The following EPC1 variants were observed in gnomAD, a reference collection of about 807,000 sequenced individuals.
EPC1 encodes the protein enhancer of polycomb homolog 1.
A neutral mutation model predicts 98.4 loss-of-function variants in EPC1; 12 were observed. The ratio of observed to expected loss-of-function variants is 0.12; its 90% CI spans 0.08 to 0.20. EPC1 has a LOEUF of 0.20. Among genes scored for constraint, EPC1 ranks in the 10% least tolerant of loss-of-function variants. The probability of loss-of-function intolerance (pLI) is 1.00; values close to 1 mark genes in which losing one functional copy is unlikely to be tolerated. For synonymous variants in EPC1, 357 were observed against 363.9 expected (o/e 0.98, Z 0.21); for missense variants, 729 against 990.5 (o/e 0.74, Z 3.54).
intron 1 of EPC1, among the ~76,000 whole-genome samples, chr10:32,323,269 T>A (rs1214663506): frequency 6.6e-6 from 1 of 152,196 alleles, no homozygotes; most frequent in African/African-American, 2.4e-5. Context: ...CCCCCCAGTG[T>A]AATTTCTGAT....
upstream of EPC1, among the ~76,000 whole-genome samples, chr10:32,350,624 G>T (rs1839084868): frequency 6.6e-6 from 1 of 152,224 alleles, no homozygotes; most frequent in African/African-American, 2.4e-5. Flanking sequence ...GATAAAACTG[G>T]TAAGAACTTG....
At chr10:32,276,865 G>GA (rs1322062476) in intron 10 of EPC1, among the ~76,000 whole-genome samples, 1 of 152,174 alleles carries the variant, frequency 6.6e-6, no homozygotes, top group Non-Finnish European at 1.5e-5. Flanking sequence ...TATGGTATGA[G>GA]AATCAAGTTT....
At chr10:32,337,961 T>C (rs1276405184) in intron 1 of EPC1, among the ~76,000 whole-genome samples, 1 of 152,170 alleles carries the variant, frequency 6.6e-6, no homozygotes, top group Admixed American at 6.5e-5. Context: ...ATGAAGAAAA[T>C]CTTTTCAGTA....
intron 1 of EPC1, among the ~76,000 whole-genome samples, chr10:32,361,366 C>A (rs891733148): frequency 6.6e-6 from 1 of 152,094 alleles, no homozygotes; most frequent in African/African-American, 2.4e-5. Flanking sequence ...CAGTGGGAGA[C>A]CAGAATATGC....
upstream of EPC1, among the ~76,000 whole-genome samples, chr10:32,350,510 A>C (rs138932982): frequency 4.0e-3 from 607 of 152,340 alleles, 4 homozygotes; most frequent in Non-Finnish European, 6.9e-3. Context: ...ACGCAACTGT[A>C]TGAACAAAAG....
intron 1 of EPC1, chr10:32,345,413 A>G (rs572345455): frequency 2.0e-6 from 2 of 985,390 alleles, no homozygotes; most frequent in East Asian, 2.3e-4. Flanking sequence ...ACAACATTAC[A>G]GAGCATAATT....
At chr10:32,358,776 G>A (rs1036488174) in intron 1 of EPC1, among the ~76,000 whole-genome samples, 1 of 152,090 alleles carries the variant, frequency 6.6e-6, no homozygotes, top group Non-Finnish European at 1.5e-5. Context: ...TTCATCATCT[G>A]TCTGAGTAGA....
Position 32,346,933 on chromosome 10 carries a change from C to A in EPC1, c.-18G>T, listed in dbSNP as rs775550844. The A allele has an allele frequency of 1.2e-6, 2 of 1,611,448 alleles. No homozygotes were observed. Among genetic ancestry groups the A allele is most frequent in the African/African-American group, 2.7e-5 (2 of 74,924 alleles). On this transcript the variant is annotated 5_prime_UTR_variant, in exon 1 of 14. Transcript: ENST00000319778. ...TTACTCATCTCAGGCGCAGCAGATA[C>A]CTCTCCGCTCTGGGGAAACGGCCCC...
At position 32,284,985 on chromosome 10, in the gene EPC1, A is replaced by T; in HGVS notation, c.1457T>A (p.Leu486His). The change falls in exon 10 of 14, where the codon CTT becomes CAT. Residue 486 changes from leucine to histidine, a missense_variant. This residue lies in a region of EPC1 where 390 missense variants were observed against 438.6 expected (regional missense o/e 0.89). Coordinates refer to ENST00000319778, the MANE Select transcript of EPC1 (RefSeq NM_001272004.3). ...GACTGGAGAATGTTGTGGTGAGGAA[A>T]GCATTTCCAAATCCAGATGGTGAAA... is the stretch of plus-strand genomic sequence containing the variant. Reference protein sequence around the residue: ...SVFHHLDLEMLSSPQHSPVNQ... With the variant: ...SVFHHLDLEMHSSPQHSPVNQ... 6.2e-7 allele frequency: 1 copy of T among 1,614,232 alleles called. No homozygotes were observed. The highest frequency in any genetic ancestry group is 8.5e-7 in the Non-Finnish European group (1 of 1,180,044).
chr10:32,290,539 G>A (rs1836953580), intron 6 of EPC1, among the ~76,000 whole-genome samples: 1 of 143,544 alleles, frequency 7.0e-6, no homozygotes, highest in Non-Finnish European at 1.5e-5. Context: ...TGATCAGGGA[G>A]GATTTCATGT....
chr10:32,377,547 T>G (rs1379704581), intron 1 of EPC1: 1 of 152,224 alleles, frequency 6.6e-6, no homozygotes, highest in Non-Finnish European at 1.5e-5. Context: ...TTCCCTCGGC[T>G]GGTTGTGACG....
intron 1 of EPC1, among the ~76,000 whole-genome samples, chr10:32,341,336 T>C (rs1293940754): frequency 6.6e-6 from 1 of 151,106 alleles, no homozygotes; most frequent in African/African-American, 2.5e-5. Context: ...TGTGTCTGTG[T>C]GTGTGTATAG....
At chr10:32,325,038 C>T (rs950052998) in intron 1 of EPC1, among the ~76,000 whole-genome samples, 13 of 152,108 alleles carry the variant, frequency 8.5e-5, no homozygotes, top group African/African-American at 2.9e-4. Flanking sequence ...TAAATAAAAC[C>T]TTGAATTAAT....
At chr10:32,295,534 T>C (rs1265031853) in intron 2 of EPC1, among the ~76,000 whole-genome samples, 1 of 152,188 alleles carries the variant, frequency 6.6e-6, no homozygotes, top group Non-Finnish European at 1.5e-5. Flanking sequence ...CCTGCAATCA[T>C]GGGCCCTCCA....
upstream of EPC1, among the ~76,000 whole-genome samples, chr10:32,349,038 G>A (rs1839032284): frequency 6.6e-6 from 1 of 152,210 alleles, no homozygotes; most frequent in Non-Finnish European, 1.5e-5. Context: ...TTAGATAGCA[G>A]TCACTTTCTG....
At chr10:32,284,010 T>C (rs2132689805) in intron 10 of EPC1, 1 of 152,280 alleles carries the variant, frequency 6.6e-6, no homozygotes, top group Non-Finnish European at 1.5e-5. Flanking sequence ...AGTCCTCAGA[T>C]TACCTTTACA....
chr10:32,297,282 C>A (rs1387217982), intron 2 of EPC1, among the ~76,000 whole-genome samples: 6 of 135,352 alleles, frequency 4.4e-5, no homozygotes. Context: ...GTTAATAATT[C>A]TTTTTTTTTT....
At chr10:32,313,594 TAAG>T (rs1836373660) in intron 1 of EPC1, among the ~76,000 whole-genome samples, 1 of 152,208 alleles carries the variant, frequency 6.6e-6, no homozygotes, top group South Asian at 2.1e-4. Flanking sequence ...AAGATTGTTT[TAAG>T]AAGAAGGAAC....
chr10:32,333,875 C>T (rs139381357), intron 1 of EPC1, among the ~76,000 whole-genome samples: 698 of 152,242 alleles, frequency 4.6e-3, no homozygotes, highest in Non-Finnish European at 7.1e-3. Flanking sequence ...AAAGGATTCA[C>T]AAAAGATGCA....
Sources: gnomAD v4.1 joint callset for allele counts (sites outside exome capture counted in the v4.1 genomes callset) on GRCh38, gnomAD v4.1.1 for gene constraint, gnomAD v4.1.1 regional missense constraint, MANE v1.5 for transcripts, NCBI Gene and HGNC (gene_info 2026-07-23, HGNC 2026-07-21) for gene names.